Variants in CD300LF observed in about 807,000 individuals in gnomAD.
The protein encoded by CD300LF is CMRF35-like molecule 1.
In CD300LF, 27 loss-of-function variants were observed where a neutral mutation model predicts 32.2. The observed-to-expected ratio is 0.84, with a 90% CI of 0.62 to 1.15. The LOEUF is 1.15. Among genes scored for constraint, CD300LF ranks in the 50% most tolerant of loss-of-function variants. The pLI is 0.00. For synonymous variants in CD300LF, 139 were observed against 143.2 expected (o/e 0.97, Z 0.21); for missense variants, 348 against 356.8 (o/e 0.98, Z 0.20).
rs141171369 is a variant in CD300LF at position 74,704,762 on chromosome 17, C to T, written c.98G>A (p.Arg33Gln). The change falls in exon 2 of 7, where the codon CGG (arginine) becomes CAG (glutamine). Residue 33 changes from arginine (R) to glutamine (Q), a missense_variant. Coordinates refer to ENST00000326165, the MANE Select transcript of CD300LF (RefSeq NM_139018.5). ...AACACACTGCACGGTCAAGGAGCCCCGCTCCAAGCCATTCACTGTTGTTGG... is the reference window on the plus strand; with the variant it reads ...AACACACTGCACGGTCAAGGAGCCCTGCTCCAAGCCATTCACTGTTGTTGG... ...TGPTTVNGLE[R>Q]GSLTVQCVYR... 385 of 1,614,122 alleles carry T rather than the reference C, an allele frequency of 2.4e-4. No individual in the cohort carries two copies. The highest frequency in any genetic ancestry group is 1.2e-3 in the Middle Eastern group (7 of 6,062).
At position 74,706,052 on chromosome 17, in the gene CD300LF, A is replaced by G. The variant is rs1029541631; in HGVS notation, c.44-1236T>C. Among the ~76,000 whole-genome samples, 4 of 152,282 alleles carry G rather than the reference A, an allele frequency of 2.6e-5. No homozygotes were observed. The South Asian group carries it at 8.3e-4, about 32-fold the overall frequency. Reference sequence around the variant, plus strand: ...AGTGGGAGCTAAACATTGGTTATGCATGGACATAAAGATGGGAACAACAGG... The same window carrying G: ...AGTGGGAGCTAAACATTGGTTATGCGTGGACATAAAGATGGGAACAACAGG... On this transcript the variant is annotated intron_variant, in intron 1 of 6. Coordinates refer to ENST00000326165, the MANE Select transcript of CD300LF (RefSeq NM_139018.5).
rs2033501930 is a variant in CD300LF at position 74,706,281 on chromosome 17, AAAT to A, written c.44-1468_44-1466del. On this transcript the variant is annotated intron_variant, in intron 1 of 6. Coordinates refer to ENST00000326165, the MANE Select transcript of CD300LF (RefSeq NM_139018.5). ...TAAAAAACATTTTAAAGGAAAAAAA[AAAT>A]ATATATATATATATATCCCAAAGTG... Among the ~76,000 whole-genome samples, 8 of 145,404 alleles carry A rather than the reference AAAT, an allele frequency of 5.5e-5. No individual in the cohort carries two copies. The South Asian group carries it at 1.8e-3, about 32-fold the overall frequency.
At position 74,695,781 on chromosome 17, in the gene CD300LF, T is replaced by C. The variant is rs750520172; in HGVS notation, c.661A>G (p.Thr221Ala). 6.2e-7 allele frequency: 1 copy of C among 1,614,172 alleles called. No homozygotes were observed. The highest frequency in any genetic ancestry group is 8.5e-7 in the Non-Finnish European group (1 of 1,180,014). The change falls in exon 6 of 7, where the codon ACC becomes GCC. Residue 221 changes from threonine (T) to alanine (A), a missense_variant. By Grantham distance (58) the Thr-to-Ala change is moderately conservative. Transcript: ENST00000326165. Reference sequence around the variant, plus strand: ...ACCTGGGCAGAGGAAAGCTTCGTGGTAGCCTTTTGCGGGGAGGTTCCGGCC... The same window carrying C: ...ACCTGGGCAGAGGAAAGCTTCGTGGCAGCCTTTTGCGGGGAGGTTCCGGCC... ...QLAGTSPQKA[T>A]TKLSSAQVDQ...
intron 3 of CD300LF, 149 bp from the exon 4 acceptor site, chr17:74,698,630 C>A: frequency 6.8e-7 from 1 of 1,476,926 alleles, no homozygotes. Flanking sequence ...TCCTGGGGAT[C>A]CTCAAAGATG....
chr17:74,712,903 G>T lies in CD300LF; in HGVS notation c.-37C>A. ...ACAGGTCCCCGTTCCCCTCAGTGGAGCCTGGCAGCAGGAACAAACTACAGA... is the reference window on the plus strand; with the variant it reads ...ACAGGTCCCCGTTCCCCTCAGTGGATCCTGGCAGCAGGAACAAACTACAGA... On this transcript the variant is annotated 5_prime_UTR_variant, in exon 1 of 7. Transcript: ENST00000326165. 6.2e-7 allele frequency: 1 copy of T among 1,610,182 alleles called. No individual in the cohort carries two copies. Among genetic ancestry groups the T allele is most frequent in the Non-Finnish European group, 8.5e-7 (1 of 1,177,082 alleles).
chr17:74,708,844 G>T (rs563911830), intron 1 of CD300LF, among the ~76,000 whole-genome samples: 1 of 151,012 alleles, frequency 6.6e-6, no homozygotes, highest in African/African-American at 2.4e-5. Context: ...GAACCCGGGG[G>T]GGCGGAGCTT....
chr17:74,695,514 G>A (rs780140787), intron 6 of CD300LF, among the ~76,000 whole-genome samples: 3 of 152,182 alleles, frequency 2.0e-5, no homozygotes, highest in African/African-American at 4.8e-5. Flanking sequence ...TGCTGCCCAC[G>A]TGGGGACTGT....
intron 1 of CD300LF, among the ~76,000 whole-genome samples, chr17:74,707,120 CA>C (rs2033584930): frequency 6.6e-6 from 1 of 152,074 alleles, no homozygotes; most frequent in African/African-American, 2.4e-5. Context: ...GCAACAAAAG[CA>C]AAACTAGACA....
At chr17:74,705,686 C>A (rs747609934) in intron 1 of CD300LF, among the ~76,000 whole-genome samples, 32 of 152,230 alleles carry the variant, frequency 2.1e-4, no homozygotes, top group Non-Finnish European at 4.0e-4. Flanking sequence ...CCTTCACCTC[C>A]CAGGCTTAAT....
intron 1 of CD300LF, among the ~76,000 whole-genome samples, chr17:74,707,764 A>G (rs996858473): frequency 6.6e-6 from 1 of 152,152 alleles, no homozygotes. Context: ...TATCCTGCAC[A>G]TATTAAAAAG....
rs200814939 is a variant in CD300LF, at chr17:74,712,888, G to T, written c.-22C>A. 1.9e-6 allele frequency: 3 copies of T among 1,613,152 alleles called. No individual in the cohort carries two copies. Among genetic ancestry groups the T allele is most frequent in the Admixed American group, 1.7e-5 (1 of 59,952 alleles). Reference sequence around the variant, plus strand: ...GCATCTTCTCTTCAGACAGGTCCCCGTTCCCCTCAGTGGAGCCTGGCAGCA... The same window carrying T: ...GCATCTTCTCTTCAGACAGGTCCCCTTTCCCCTCAGTGGAGCCTGGCAGCA... On this transcript the variant is annotated 5_prime_UTR_variant, in exon 1 of 7. Transcript: ENST00000326165.
At chr17:74,704,322 C>T (rs951481182) in intron 2 of CD300LF, 156 bp downstream of exon 2, 1 of 627,672 alleles carries the variant, frequency 1.6e-6, no homozygotes, top group Non-Finnish European at 2.8e-6. Context: ...AAGAGAGGCC[C>T]TGCTCCCCCA....
At chr17:74,711,499 C>G (rs1338432055) in intron 1 of CD300LF, among the ~76,000 whole-genome samples, 3 of 152,222 alleles carry the variant, frequency 2.0e-5, no homozygotes, top group African/African-American at 7.2e-5. Flanking sequence ...TCTTCCTGTA[C>G]CAGCCTAGCA....
chr17:74,712,751 C>T (rs1190265267), intron 1 of CD300LF, 73 bp downstream of exon 1: 6 of 1,531,068 alleles, frequency 3.9e-6, no homozygotes, highest in Non-Finnish European at 5.4e-6. Context: ...TGGCCGGGTC[C>T]CTTCTTCCCT....
intron 5 of CD300LF, among the ~76,000 whole-genome samples, 165 bp downstream of exon 5, chr17:74,696,030 T>TA (rs2143555596): frequency 1.3e-5 from 2 of 152,244 alleles, no homozygotes; most frequent in South Asian, 4.1e-4. Flanking sequence ...CTTGTCCCCC[T>TA]GGCTGTTTCC....
chr17:74,694,849 C>A lies in CD300LF; in HGVS notation c.*247G>T. On this transcript the variant is annotated 3_prime_UTR_variant, in exon 7 of 7. Transcript: ENST00000326165. ...TCATCTTCATCATTCCCATGAAAGCCCCAGAGCATATCCCTAGCCCCCTCC... is the reference window on the plus strand; with the variant it reads ...TCATCTTCATCATTCCCATGAAAGCACCAGAGCATATCCCTAGCCCCCTCC... 2.5e-6 allele frequency: 1 copy of A among 400,016 alleles called. No individual in the cohort carries two copies. The highest frequency in any genetic ancestry group is 4.4e-6 in the Non-Finnish European group (1 of 225,386). 24.8% of individuals were successfully genotyped at this position (400,016 alleles called of 1,614,324 possible).
At chr17:74,705,259 A>G (rs933613282) in intron 1 of CD300LF, 1 of 701,948 alleles carries the variant, frequency 1.4e-6, no homozygotes, top group East Asian at 2.7e-5. Flanking sequence ...GCCACATCAG[A>G]TGGCTGTGGA....
chr17:74,703,867 G>A (rs542407937), intron 2 of CD300LF, among the ~76,000 whole-genome samples: 1 of 152,388 alleles, frequency 6.6e-6, no homozygotes, highest in Admixed American at 6.5e-5. Flanking sequence ...GCTCCCAGGA[G>A]TGTCTGCATT....
At chr17:74,696,081 A>G in intron 5 of CD300LF, 114 bp downstream of exon 5, 1 of 1,390,776 alleles carries the variant, frequency 7.2e-7, no homozygotes, top group Non-Finnish European at 9.9e-7. Flanking sequence ...CCATGAGGAC[A>G]GGATACTTTG....
Sources: gnomAD v4.1 joint callset for allele counts (sites outside exome capture counted in the v4.1 genomes callset) on GRCh38, gnomAD v4.1.1 for gene constraint, MANE v1.5 for transcripts, NCBI Gene and HGNC (gene_info 2026-07-23, HGNC 2026-07-21) for gene names.